Variants in CDH18 observed in about 807,000 individuals in gnomAD.
CDH18 encodes cadherin 18, also known as cadherin-18.
A neutral mutation model predicts 67.9 loss-of-function variants in CDH18; 31 were observed. The observed-to-expected ratio is 0.46, with a 90% CI of 0.34 to 0.62. The LOEUF (loss-of-function observed/expected upper bound fraction) is 0.62, where lower values mean the gene tolerates loss of function less well. CDH18 is among the 20% of genes least tolerant of loss of function. CDH18 has a pLI of 0.01. For synonymous variants in CDH18, 362 were observed against 347.2 expected, an observed-to-expected ratio of 1.04 and a Z score of -0.48; for missense variants, 890 against 975.5, an observed-to-expected ratio of 0.91 and a Z score of 1.17.
intron 2 of CDH18, among the ~76,000 whole-genome samples, chr5:19,904,284 A>C (rs1233030078): frequency 1.3e-5 from 2 of 148,988 alleles, no homozygotes; most frequent in Non-Finnish European, 3.0e-5. Context: ...AGAAAAGAAA[A>C]GAAGGAAAGA....
At chr5:19,564,202 C>A (rs193161272) in intron 8 of CDH18, among the ~76,000 whole-genome samples, 53 of 152,180 alleles carry the variant, frequency 3.5e-4, no homozygotes, top group African/African-American at 1.1e-3. Context: ...GGGCTTGGAG[C>A]CAGTGGATCT....
chr5:20,516,289 A>G (rs1755360308), intron 1 of CDH18, among the ~76,000 whole-genome samples: 1 of 151,956 alleles, frequency 6.6e-6, no homozygotes, highest in South Asian at 2.1e-4. Flanking sequence ...TTCTAAGCGC[A>G]TAGGAGAACA....
intron 5 of CDH18, among the ~76,000 whole-genome samples, chr5:19,652,190 T>C (rs1755676777): frequency 6.6e-6 from 1 of 152,044 alleles, no homozygotes; most frequent in African/African-American, 2.4e-5. Flanking sequence ...AATGTGATAT[T>C]CTTTAGAAGT....
intron 1 of CDH18, among the ~76,000 whole-genome samples, chr5:20,555,013 C>T (rs1429516383): frequency 1.3e-5 from 2 of 152,178 alleles, no homozygotes; most frequent in Non-Finnish European, 2.9e-5. Context: ...ACGTTAGTGC[C>T]TCCCCCAGAA....
intron 3 of CDH18, among the ~76,000 whole-genome samples, chr5:19,824,531 C>G (rs937307039): frequency 1.3e-5 from 2 of 152,156 alleles, no homozygotes; most frequent in South Asian, 4.1e-4. Flanking sequence ...GAGAGCCACC[C>G]GGACATTTTG....
chr5:19,569,117 C>T (rs1341525047), intron 8 of CDH18, among the ~76,000 whole-genome samples: 1 of 152,014 alleles, frequency 6.6e-6, no homozygotes, highest in African/African-American at 2.4e-5. Flanking sequence ...ATCAAAGTTC[C>T]TCTCATTTCT....
intron 1 of CDH18, among the ~76,000 whole-genome samples, chr5:20,325,197 T>G (rs1265592028): frequency 6.6e-6 from 1 of 152,240 alleles, no homozygotes; most frequent in Non-Finnish European, 1.5e-5. Flanking sequence ...TTACTCTGTT[T>G]TATTAAACCA....
At position 20,173,896 on chromosome 5, in the gene CDH18, T is replaced by C. The variant is rs148447235; in HGVS notation, c.-518+81548A>G. Among the ~76,000 whole-genome samples the C allele has an allele frequency of 2.6e-3, 401 of 152,262 alleles. 3 individuals are homozygous for C. The highest frequency in any genetic ancestry group is 9.2e-3 in the African/African-American group (382 of 41,548). The stretch of plus-strand genomic sequence containing the variant: ...TTAAGGAGATTAATCTATGTAGTAG[T>C]GGGCTAAAACCTTTGAGAACATAAC... On this transcript the variant is annotated intron_variant, in intron 2 of 14. Transcript: ENST00000507958.
At chr5:20,246,705 A>G (rs1743406666) in intron 2 of CDH18, among the ~76,000 whole-genome samples, 1 of 152,200 alleles carries the variant, frequency 6.6e-6, no homozygotes, top group African/African-American at 2.4e-5. Context: ...CATGATGGTT[A>G]AGAGCAAGGA....
chr5:19,775,255 T>C (rs1278555602), intron 3 of CDH18, among the ~76,000 whole-genome samples: 1 of 152,214 alleles, frequency 6.6e-6, no homozygotes. Flanking sequence ...TGATTGAAAG[T>C]AGTCCAGAGA....
At chr5:20,530,438 T>C (rs1756328270) in intron 1 of CDH18, among the ~76,000 whole-genome samples, 1 of 152,020 alleles carries the variant, frequency 6.6e-6, no homozygotes, top group Non-Finnish European at 1.5e-5. Context: ...AGGACAATCC[T>C]AAGCTAAAAG....
intron 2 of CDH18, among the ~76,000 whole-genome samples, chr5:20,128,653 T>A (rs1749023244): frequency 6.6e-6 from 1 of 152,158 alleles, no homozygotes; most frequent in East Asian, 1.9e-4. Context: ...TGTCAGCTTA[T>A]CATCTTACTA....
intron 2 of CDH18, among the ~76,000 whole-genome samples, chr5:20,208,386 G>A (rs1469367963): frequency 3.3e-5 from 5 of 151,990 alleles, no homozygotes; most frequent in African/African-American, 7.2e-5. Flanking sequence ...TCACAAACAT[G>A]TGGGGATTAT....
intron 2 of CDH18, among the ~76,000 whole-genome samples, chr5:19,962,852 A>G (rs1224138929): frequency 6.6e-6 from 1 of 152,152 alleles, no homozygotes; most frequent in Non-Finnish European, 1.5e-5. Context: ...AAGTATTCAT[A>G]ATGCATAATT....
chr5:20,048,961 T>C (rs1417725665), intron 2 of CDH18, among the ~76,000 whole-genome samples: 4 of 151,756 alleles, frequency 2.6e-5, no homozygotes, highest in Non-Finnish European at 5.9e-5. Flanking sequence ...TTTCAAGGAA[T>C]GCATTTACAC....
chr5:20,241,897 T>C (rs1289053351), intron 2 of CDH18, among the ~76,000 whole-genome samples: 1 of 143,222 alleles, frequency 7.0e-6, no homozygotes, highest in Non-Finnish European at 1.5e-5. Flanking sequence ...TATATGTATA[T>C]ATATATATAT....
intron 5 of CDH18, among the ~76,000 whole-genome samples, chr5:19,677,794 T>C (rs1349765521): frequency 6.6e-6 from 1 of 151,878 alleles, no homozygotes; most frequent in African/African-American, 2.4e-5. Flanking sequence ...ATTTGAGACC[T>C]AAAAACTAAC....
chr5:19,842,408 G>T (rs549041646), intron 2 of CDH18, among the ~76,000 whole-genome samples: 1 of 152,064 alleles, frequency 6.6e-6, no homozygotes, highest in African/African-American at 2.4e-5. Context: ...AAGATCTGAC[G>T]GTTTTATAAG....
chr5:19,857,341 G>A (rs1413008150), intron 2 of CDH18, among the ~76,000 whole-genome samples: 4 of 152,120 alleles, frequency 2.6e-5, no homozygotes, highest in African/African-American at 9.7e-5. Context: ...GTGTGTGTGA[G>A]GCCAATTTAC....
Sources: gnomAD v4.1 joint callset for allele counts (sites outside exome capture counted in the v4.1 genomes callset) on GRCh38, gnomAD v4.1.1 for gene constraint, MANE v1.5 for transcripts, NCBI Gene and HGNC (gene_info 2026-07-23, HGNC 2026-07-21) for gene names.